The following CFAP95 variants were observed in gnomAD, a reference collection of about 807,000 sequenced individuals.
CFAP95 encodes the protein cilia- and flagella-associated protein 95.
chr9:69,842,847 G>A, the CFAP95 span, among the ~76,000 whole-genome samples: 1 of 152,198 alleles, frequency 6.6e-6, no homozygotes, highest in Non-Finnish European at 1.5e-5. Context: ...GGGCTCAGGT[G>A]TGTTTTGCTT....
At chr9:69,877,700 A>C in the CFAP95 span, among the ~76,000 whole-genome samples, 2 of 152,208 alleles carry the variant, frequency 1.3e-5, no homozygotes. Flanking sequence ...TGTATTTTTA[A>C]AAATGTAAAC....
At chr9:69,892,167 T>C in the CFAP95 span, among the ~76,000 whole-genome samples, 1 of 152,178 alleles carries the variant, frequency 6.6e-6, no homozygotes, top group Non-Finnish European at 1.5e-5. Context: ...TTAAGTACAT[T>C]CCTGTTGTTA....
At chr9:69,827,672 T>C in the CFAP95 span, among the ~76,000 whole-genome samples, 1 of 152,318 alleles carries the variant, frequency 6.6e-6, no homozygotes, top group Non-Finnish European at 1.5e-5. Context: ...CCGCTGTGCA[T>C]GCTGCTGCTG....
chr9:69,900,867 A>G, the CFAP95 span, among the ~76,000 whole-genome samples: 1 of 152,074 alleles, frequency 6.6e-6, no homozygotes, highest in East Asian at 1.9e-4. Context: ...GGAAGCTGCT[A>G]TGTATTTTTT....
At chr9:69,895,369 C>CTCTCTCTCTCTCTGTGTGTGTG in the CFAP95 span, among the ~76,000 whole-genome samples, 1 of 107,920 alleles carries the variant, frequency 9.3e-6, no homozygotes, top group East Asian at 3.2e-4. Context: ...CTCTCTCTCT[C>CTCTCTCTCTCTCTGTGTGTGTG]TGTGTGTGTG....
the CFAP95 span, among the ~76,000 whole-genome samples, chr9:69,899,556 A>G: frequency 2.6e-5 from 4 of 152,360 alleles, no homozygotes; most frequent in African/African-American, 9.6e-5. Context: ...CAGAACTGAG[A>G]CTACTATCCT....
chr9:69,851,936 T>C, the CFAP95 span, among the ~76,000 whole-genome samples: 1 of 151,896 alleles, frequency 6.6e-6, no homozygotes, highest in South Asian at 2.1e-4. Flanking sequence ...GAAGAGGTAG[T>C]TGTGGAAAAC....
At chr9:69,830,959 C>G in the CFAP95 span, among the ~76,000 whole-genome samples, 1 of 152,156 alleles carries the variant, frequency 6.6e-6, no homozygotes, top group Non-Finnish European at 1.5e-5. Flanking sequence ...TGCATCCAGA[C>G]TTCTTACTGT....
chr9:69,859,425 A>AT, the CFAP95 span, among the ~76,000 whole-genome samples: 16 of 151,706 alleles, frequency 1.1e-4, no homozygotes, highest in African/African-American at 3.9e-4. Flanking sequence ...TAGCTTTAAA[A>AT]TTTTTTTTCT....
chr9:69,877,738 T>A, the CFAP95 span, among the ~76,000 whole-genome samples: 1 of 152,214 alleles, frequency 6.6e-6, no homozygotes, highest in Non-Finnish European at 1.5e-5. Context: ...AAGATGATGA[T>A]TTTGTTTCCT....
the CFAP95 span, among the ~76,000 whole-genome samples, chr9:69,834,937 A>G: frequency 6.6e-6 from 1 of 152,224 alleles, no homozygotes; most frequent in African/African-American, 2.4e-5. Flanking sequence ...TATCAGTTTG[A>G]GGGCTATGCC....
chr9:69,879,221 A>G, the CFAP95 span, among the ~76,000 whole-genome samples: 1 of 152,350 alleles, frequency 6.6e-6, no homozygotes, highest in East Asian at 1.9e-4. Context: ...TTTAATCAGT[A>G]GATAATGATC....
chr9:69,847,944 G>T, the CFAP95 span, among the ~76,000 whole-genome samples: 1 of 152,208 alleles, frequency 6.6e-6, no homozygotes, highest in African/African-American at 2.4e-5. Context: ...CTCATGTGCC[G>T]AAGTAAAGAA....
At chr9:69,847,830 G>C in the CFAP95 span, among the ~76,000 whole-genome samples, 1 of 152,154 alleles carries the variant, frequency 6.6e-6, no homozygotes, top group Non-Finnish European at 1.5e-5. Context: ...TGCTGCTGCA[G>C]GAGCTAATAT....
chr9:69,887,108 C>G, the CFAP95 span, among the ~76,000 whole-genome samples: 839 of 152,300 alleles, frequency 5.5e-3, 5 homozygotes, highest in African/African-American at 0.019. Context: ...AAAAATATTG[C>G]CGTATCTAAA....
chr9:69,867,808 G>A, the CFAP95 span, among the ~76,000 whole-genome samples: 1 of 152,190 alleles, frequency 6.6e-6, no homozygotes, highest in Non-Finnish European at 1.5e-5. Context: ...GAAGCTCTCA[G>A]ACAATAGTCA....
chr9:69,835,784 T>A, the CFAP95 span, among the ~76,000 whole-genome samples: 1 of 152,136 alleles, frequency 6.6e-6, no homozygotes, highest in African/African-American at 2.4e-5. Flanking sequence ...CAAAACAATA[T>A]GAAAGGTGCG....
At chr9:69,877,893 A>T in the CFAP95 span, among the ~76,000 whole-genome samples, 1 of 152,272 alleles carries the variant, frequency 6.6e-6, no homozygotes, top group East Asian at 1.9e-4. Flanking sequence ...GAGAATTTTC[A>T]TGAGCTTAGT....
At chr9:69,843,240 A>G in the CFAP95 span, among the ~76,000 whole-genome samples, 1 of 152,140 alleles carries the variant, frequency 6.6e-6, no homozygotes, top group East Asian at 1.9e-4. Flanking sequence ...AAATGGCTGG[A>G]TGATTGAATT....
Sources: allele counts gnomAD v4.1 joint callset (sites outside exome capture counted in the v4.1 genomes callset), GRCh38; gene constraint gnomAD v4.1.1; transcripts MANE v1.5; gene names NCBI Gene and HGNC (gene_info 2026-07-23, HGNC 2026-07-21).